Variants in ZBTB7C observed in about 807,000 individuals in gnomAD.
The protein encoded by ZBTB7C is zinc finger and BTB domain containing 7C, also known as zinc finger and BTB domain-containing protein 7C.
A neutral mutation model predicts 25.7 loss-of-function variants in ZBTB7C; 8 were observed. The ratio of observed to expected loss-of-function variants is 0.31; its 90% CI spans 0.18 to 0.56. The LOEUF is 0.56. ZBTB7C is among the 20% of genes least tolerant of loss of function. The pLI is 0.91. For missense variants in ZBTB7C, 824 were observed against 855.2 expected (o/e 0.96, Z 0.46); for synonymous variants, 394 against 369.0 (o/e 1.07, Z -0.78).
At chr18:48,209,183 T>C (rs984686084) in intron 2 of ZBTB7C, among the ~76,000 whole-genome samples, 1 of 152,210 alleles carries the variant, frequency 6.6e-6, no homozygotes, top group African/African-American at 2.4e-5. Flanking sequence ...AGGCAATGGA[T>C]GCTCCAAGTT....
intron 3 of ZBTB7C, among the ~76,000 whole-genome samples, chr18:48,073,548 T>G (rs1033635670): frequency 6.6e-6 from 1 of 152,086 alleles, no homozygotes; most frequent in African/African-American, 2.4e-5. Flanking sequence ...ACGGACAGGC[T>G]CCCAGTGGCT....
intron 3 of ZBTB7C, among the ~76,000 whole-genome samples, chr18:48,136,084 C>T (rs2040146801): frequency 6.6e-6 from 1 of 151,728 alleles, no homozygotes; most frequent in African/African-American, 2.4e-5. Flanking sequence ...GGGTGGGCGG[C>T]GGGCAGGGGG....
intron 3 of ZBTB7C, among the ~76,000 whole-genome samples, chr18:48,154,206 C>T (rs896210310): frequency 2.0e-5 from 3 of 152,116 alleles, no homozygotes; most frequent in East Asian, 1.9e-4. Context: ...GGTCAGGAAT[C>T]GATCTGAATG....
chr18:48,083,721 G>T, intron 3 of ZBTB7C: 1 of 561,418 alleles, frequency 1.8e-6, no homozygotes, highest in Non-Finnish European at 2.3e-6. Flanking sequence ...CCATTTCAGT[G>T]CCCTTAAAAA....
chr18:48,301,340 G>A (rs1163232921), intron 2 of ZBTB7C, among the ~76,000 whole-genome samples: 2 of 152,196 alleles, frequency 1.3e-5, no homozygotes, highest in Non-Finnish European at 2.9e-5. Flanking sequence ...TTAGCCGAGT[G>A]TGGTGGCACA....
At chr18:48,091,963 TGAG>T (rs1278458830) in intron 3 of ZBTB7C, among the ~76,000 whole-genome samples, 1 of 152,114 alleles carries the variant, frequency 6.6e-6, no homozygotes, top group Non-Finnish European at 1.5e-5. Context: ...GGTGGAGAGA[TGAG>T]GACACAGGAA....
intron 2 of ZBTB7C, among the ~76,000 whole-genome samples, chr18:48,192,863 G>A (rs190023654): frequency 4.5e-4 from 69 of 152,324 alleles, no homozygotes; most frequent in African/African-American, 1.5e-3. Flanking sequence ...GAAACAAGGC[G>A]AGGGAGGGTA....
At chr18:48,072,090 C>T (rs558392924) in intron 3 of ZBTB7C, among the ~76,000 whole-genome samples, 34 of 152,254 alleles carry the variant, frequency 2.2e-4, no homozygotes, top group African/African-American at 7.7e-4. Context: ...TCTTACTTTA[C>T]GTATAATTTT....
At chr18:48,398,970 A>G (rs1450689505) in intron 1 of ZBTB7C, among the ~76,000 whole-genome samples, 1 of 152,240 alleles carries the variant, frequency 6.6e-6, no homozygotes, top group Non-Finnish European at 1.5e-5. Flanking sequence ...AAAATCAAGG[A>G]TCCCTTTCAT....
At chr18:48,220,710 A>G (rs73955663) in intron 2 of ZBTB7C, among the ~76,000 whole-genome samples, 2,142 of 152,248 alleles carry the variant, frequency 0.014, 42 homozygotes, top group African/African-American at 0.049. Flanking sequence ...AACTTCTTAC[A>G]TGCCAAGTAC....
In ZBTB7C at chr18:48,041,075, A is replaced by G; in HGVS notation, c.33T>C (p.Ile11=). The G allele has an allele frequency of 6.2e-7, 1 of 1,608,130 alleles. No homozygotes were observed. Residue 11 remains isoleucine (I), a synonymous_variant, in exon 4 of 5, where the codon ATT becomes ATC. Coordinates refer to ENST00000590800, the MANE Select transcript of ZBTB7C (RefSeq NM_001318841.2). ...CCTCACTGCTGTGGTTGGGGAAGGG[A>G]ATGCCAATGAGCTCATCAATGTCAT... MANDIDELIG[I]PFPNHSSEVL... is the part of the protein sequence containing the mutation.
At chr18:48,096,030 TCACTGAGCTATTG>T (rs2038618649) in intron 3 of ZBTB7C, among the ~76,000 whole-genome samples, 1 of 152,226 alleles carries the variant, frequency 6.6e-6, no homozygotes, top group South Asian at 2.1e-4. Flanking sequence ...GAAATTTCTG[TCACTGAGCTATTG>T]CACCTGCAGC....
rs553018947 is a variant in ZBTB7C at position 48,202,538 on chromosome 18, C to T, written c.-78-16543G>A. 2.1e-3 allele frequency among the ~76,000 whole-genome samples: 322 copies of T among 151,476 alleles called. 2 individuals carry two copies. The highest frequency in any genetic ancestry group is 7.4e-3 in the African/African-American group (305 of 41,236). On this transcript the variant is annotated intron_variant, in intron 2 of 4. Coordinates refer to ENST00000590800, the MANE Select transcript of ZBTB7C (RefSeq NM_001318841.2). Reference sequence around the variant, plus strand: ...GCAGGGTCCTGGTGGCAGCGGGCTGCGAGGGTGGGTGTGCAAGCTAAACAT... The same window carrying T: ...GCAGGGTCCTGGTGGCAGCGGGCTGTGAGGGTGGGTGTGCAAGCTAAACAT...
At chr18:48,092,826 G>T (rs1568211962) in intron 3 of ZBTB7C, among the ~76,000 whole-genome samples, 1 of 152,326 alleles carries the variant, frequency 6.6e-6, no homozygotes, top group East Asian at 1.9e-4. Context: ...TCTGATCTCT[G>T]CTTTAACTGG....
intron 2 of ZBTB7C, among the ~76,000 whole-genome samples, chr18:48,300,319 C>T (rs905691612): frequency 1.7e-4 from 26 of 152,144 alleles, no homozygotes; most frequent in African/African-American, 6.3e-4. Context: ...CAATCATCTC[C>T]CCCAGGCAGA....
intron 3 of ZBTB7C, among the ~76,000 whole-genome samples, chr18:48,151,943 G>A (rs1314620552): frequency 6.6e-6 from 1 of 152,222 alleles, no homozygotes; most frequent in East Asian, 1.9e-4. Flanking sequence ...ACAAAGGTGA[G>A]TGACAGCCAA....
At chr18:48,343,546 G>C (rs1017581509) in intron 1 of ZBTB7C, among the ~76,000 whole-genome samples, 6 of 152,192 alleles carry the variant, frequency 3.9e-5, no homozygotes, top group African/African-American at 1.4e-4. Context: ...TTGCTGGCTG[G>C]TTAAGAAATG....
intron 2 of ZBTB7C, among the ~76,000 whole-genome samples, chr18:48,296,960 G>A (rs555690288): frequency 2.6e-5 from 4 of 152,282 alleles, no homozygotes; most frequent in African/African-American, 4.8e-5. Flanking sequence ...AAAATTAGCC[G>A]GGTATGGTGA....
In ZBTB7C at chr18:48,058,889, A is replaced by G. The variant is rs567642849; in HGVS notation, c.-16-17766T>C. Among the ~76,000 whole-genome samples, 5 of 152,322 alleles carry G rather than the reference A, an allele frequency of 3.3e-5. No individual in the cohort carries two copies. The South Asian group carries it at 1.0e-3, about 32-fold the overall frequency. Reference sequence around the variant, plus strand: ...GTATGAAGAGGGACTGAGGCCTCCCATCAACGGCCAGCACAACTTGCCAGT... The same window carrying G: ...GTATGAAGAGGGACTGAGGCCTCCCGTCAACGGCCAGCACAACTTGCCAGT... On this transcript the variant is annotated intron_variant, in intron 3 of 4. Transcript: ENST00000590800.
Sources: allele counts gnomAD v4.1 joint callset (sites outside exome capture counted in the v4.1 genomes callset), GRCh38; gene constraint gnomAD v4.1.1; transcripts MANE v1.5; gene names NCBI Gene and HGNC (gene_info 2026-07-23, HGNC 2026-07-21).